QTGAL: variants seen among roughly 807,000 people sequenced by gnomAD.
The protein encoded by QTGAL is queuosine-tRNA galactosyltransferase.
At chr17:83,038,838 G>A in the QTGAL span, among the ~76,000 whole-genome samples, 12 of 150,516 alleles carry the variant, frequency 8.0e-5, no homozygotes, top group Non-Finnish European at 1.3e-4. Context: ...CAGCCTGGGC[G>A]ACAGAGTGAG....
chr17:83,033,260 G>T, the QTGAL span, among the ~76,000 whole-genome samples: 1 of 152,104 alleles, frequency 6.6e-6, no homozygotes, highest in Non-Finnish European at 1.5e-5. Flanking sequence ...AGACCTGCCG[G>T]AAACTTCTCC....
the QTGAL span, among the ~76,000 whole-genome samples, chr17:83,039,240 C>T: frequency 6.7e-6 from 1 of 149,404 alleles, no homozygotes; most frequent in East Asian, 2.0e-4. Context: ...TCTAGACACA[C>T]TGCTGGGCGC....
chr17:83,031,071 G>A, the QTGAL span, among the ~76,000 whole-genome samples: 1 of 152,224 alleles, frequency 6.6e-6, no homozygotes. Flanking sequence ...GAGCTATTTA[G>A]AGGCTATTTT....
the QTGAL span, among the ~76,000 whole-genome samples, chr17:83,024,441 C>A: frequency 6.6e-6 from 1 of 152,282 alleles, no homozygotes; most frequent in African/African-American, 2.4e-5. Context: ...ACGCACAAGA[C>A]AGGCGCGGAC....
chr17:83,001,553 A>T, the QTGAL span, among the ~76,000 whole-genome samples: 4 of 147,216 alleles, frequency 2.7e-5, no homozygotes, highest in African/African-American at 1.0e-4. Flanking sequence ...CATTTACGTA[A>T]AATTCCAGCA....
the QTGAL span, among the ~76,000 whole-genome samples, chr17:82,970,592 G>GCACCCGGCGTGGCCGCGACCTCCC: frequency 4.0e-4 from 24 of 60,212 alleles, 1 homozygote; most frequent in African/African-American, 1.1e-3. Context: ...CGCGACCTCC[G>GCACCCGGCGTGGCCGCGACCTCCC]CACCCGGCGT....
the QTGAL span, among the ~76,000 whole-genome samples, chr17:82,967,148 G>A: frequency 6.6e-6 from 1 of 152,190 alleles, no homozygotes; most frequent in Non-Finnish European, 1.5e-5. Flanking sequence ...CAAAGACCTT[G>A]TTTCCAAACA....
chr17:83,051,637 C>A, the QTGAL span: 3 of 1,177,700 alleles, frequency 2.5e-6, no homozygotes, highest in South Asian at 3.6e-5. Flanking sequence ...AGAGGCGGTG[C>A]GGGGCTGCGA....
the QTGAL span, chr17:83,007,377 T>C: frequency 9.5e-6 from 6 of 629,408 alleles, no homozygotes; most frequent in Non-Finnish European, 1.2e-5. Flanking sequence ...TCTACCTACG[T>C]ACAATTGCAT....
At chr17:82,985,586 G>C in the QTGAL span, among the ~76,000 whole-genome samples, 1 of 152,166 alleles carries the variant, frequency 6.6e-6, no homozygotes, top group Admixed American at 6.5e-5. Context: ...TAGTGGCACC[G>C]TTTTCACGTG....
the QTGAL span, among the ~76,000 whole-genome samples, chr17:82,998,585 T>TC: frequency 2.0e-5 from 3 of 152,168 alleles, no homozygotes; most frequent in African/African-American, 7.2e-5. Context: ...GACCTCATGA[T>TC]CCACCCACCT....
chr17:82,982,112 G>A, the QTGAL span, among the ~76,000 whole-genome samples: 1 of 135,758 alleles, frequency 7.4e-6, no homozygotes, highest in African/African-American at 2.9e-5. Context: ...GGCCAAGCGG[G>A]TGGAGGAGCC....
At chr17:82,991,735 C>A in the QTGAL span, among the ~76,000 whole-genome samples, 1 of 152,220 alleles carries the variant, frequency 6.6e-6, no homozygotes, top group Non-Finnish European at 1.5e-5. Flanking sequence ...AGGGACCAAT[C>A]CTGGAGAAAC....
the QTGAL span, among the ~76,000 whole-genome samples, chr17:83,001,485 G>C: frequency 6.6e-6 from 1 of 151,876 alleles, no homozygotes; most frequent in Non-Finnish European, 1.5e-5. Flanking sequence ...TTATGAAACA[G>C]AAAGTCCCAG....
the QTGAL span, among the ~76,000 whole-genome samples, chr17:83,045,487 T>C: frequency 0.013 from 1,992 of 152,308 alleles, 47 homozygotes; most frequent in African/African-American, 0.046. Context: ...GAAGAAAACA[T>C]ACAGATAAAA....
the QTGAL span, among the ~76,000 whole-genome samples, chr17:82,988,796 AATG>A: frequency 3.8e-3 from 302 of 80,224 alleles, 1 homozygote; most frequent in Middle Eastern, 7.0e-3. Flanking sequence ...CCAAAACCAC[AATG>A]AGATACCACC....
the QTGAL span, among the ~76,000 whole-genome samples, chr17:82,960,183 G>A: frequency 3.9e-5 from 6 of 152,142 alleles, no homozygotes; most frequent in African/African-American, 1.2e-4. Flanking sequence ...GGGGAAGCTC[G>A]TGGCCCTCCT....
the QTGAL span, chr17:82,949,109 G>A: frequency 2.0e-5 from 3 of 152,234 alleles, no homozygotes; most frequent in African/African-American, 7.2e-5. Context: ...GTGAGAAGAT[G>A]CTTTCCCTCC....
At chr17:83,019,412 TAAAA>T in the QTGAL span, among the ~76,000 whole-genome samples, 1 of 152,218 alleles carries the variant, frequency 6.6e-6, no homozygotes, top group African/African-American at 2.4e-5. Context: ...AAGTTGTATT[TAAAA>T]AACTAAAAGA....
Sources: allele counts gnomAD v4.1 joint callset (sites outside exome capture counted in the v4.1 genomes callset), GRCh38; gene constraint gnomAD v4.1.1; transcripts MANE v1.5; gene names NCBI Gene and HGNC (gene_info 2026-07-23, HGNC 2026-07-21).